The following TAF2 variants were observed in gnomAD, a reference collection of about 807,000 sequenced individuals.
TAF2 encodes TATA-box binding protein associated factor 2.
In TAF2, 61 loss-of-function variants were observed where a neutral mutation model predicts 138.5. That is an observed-to-expected ratio of 0.44 (90% confidence interval 0.36 to 0.54). TAF2 has a LOEUF of 0.54. Among genes scored for constraint, TAF2 ranks in the 20% least tolerant of loss-of-function variants. The probability of loss-of-function intolerance (pLI) is 0.00; values close to 1 mark genes in which losing one functional copy is unlikely to be tolerated. For synonymous variants in TAF2, 475 were observed against 469.9 expected, an observed-to-expected ratio of 1.01 and a Z score of -0.14; for missense variants, 1,090 against 1,427.9, an observed-to-expected ratio of 0.76 and a Z score of 3.81.
intron 18 of TAF2, among the ~76,000 whole-genome samples, chr8:119,773,083 G>A (rs1166369909): frequency 3.9e-5 from 5 of 127,836 alleles, no homozygotes; most frequent in African/African-American, 1.6e-4. Context: ...AAGCAAGCTT[G>A]GATTTTCTCA....
intron 18 of TAF2, among the ~76,000 whole-genome samples, chr8:119,775,116 TA>T (rs889344808): frequency 6.6e-6 from 1 of 151,178 alleles, no homozygotes; most frequent in Non-Finnish European, 1.5e-5. Flanking sequence ...CTGTCTCTAC[TA>T]AAAAAATACA....
Position 119,731,582 on chromosome 8 carries a change from CA to C in TAF2, c.*341del, listed in dbSNP as rs1454148757. The C allele has an allele frequency of 6.6e-6, 2 of 303,020 alleles. No homozygotes were observed. The highest frequency in any genetic ancestry group is 1.3e-5 in the Non-Finnish European group (2 of 158,180). 18.8% of individuals were successfully genotyped at this position (303,020 alleles called of 1,614,324 possible). On this transcript the variant is annotated 3_prime_UTR_variant, in exon 26 of 26. Coordinates refer to ENST00000378164, the MANE Select transcript of TAF2 (RefSeq NM_003184.4). ...CCCCATAACATCCACCAAAGGCTTT[CA>C]AACATAATTGACTTTGGCGGTACAC...
chr8:119,747,339 T>C (rs753681402), intron 22 of TAF2, among the ~76,000 whole-genome samples: 1 of 152,216 alleles, frequency 6.6e-6, no homozygotes, highest in African/African-American at 2.4e-5. Context: ...ATTGGACTTA[T>C]TGTAAAGGAG....
intron 23 of TAF2, chr8:119,744,960 G>A (rs565361170): frequency 1.1e-5 from 5 of 456,234 alleles, no homozygotes; most frequent in African/African-American, 2.0e-5. Context: ...CCCCAGTGGT[G>A]TATCAGACTT....
intron 6 of TAF2, among the ~76,000 whole-genome samples, chr8:119,799,399 A>ATG (rs925532692): frequency 6.6e-6 from 1 of 151,608 alleles, no homozygotes; most frequent in African/African-American, 2.4e-5. Flanking sequence ...GAGTGAGAAC[A>ATG]TGTGGTGTTT....
At chr8:119,823,585 A>G (rs1825920368) in intron 2 of TAF2, among the ~76,000 whole-genome samples, 1 of 152,182 alleles carries the variant, frequency 6.6e-6, no homozygotes, top group African/African-American at 2.4e-5. Context: ...GATCCCCATT[A>G]AACCTCTTTC....
At chr8:119,743,961 T>TA (rs1414044561) in intron 24 of TAF2, among the ~76,000 whole-genome samples, 3 of 152,022 alleles carry the variant, frequency 2.0e-5, no homozygotes, top group African/African-American at 7.2e-5. Flanking sequence ...TAACTGCAGT[T>TA]AAAAAAATTA....
chr8:119,743,722 A>G (rs1819758077), intron 24 of TAF2, among the ~76,000 whole-genome samples: 1 of 152,200 alleles, frequency 6.6e-6, no homozygotes, highest in Admixed American at 6.5e-5. Flanking sequence ...AGAAACATAA[A>G]TTAACAAAAA....
chr8:119,806,436 G>C, intron 3 of TAF2, 35 bp from the exon 4 acceptor site: 8 of 1,368,290 alleles, frequency 5.8e-6, no homozygotes, highest in South Asian at 2.3e-5. Flanking sequence ...TTAATAATAA[G>C]CCATGTATCT....
At chr8:119,787,570 A>C (rs375107991) in intron 14 of TAF2, among the ~76,000 whole-genome samples, 1 of 152,234 alleles carries the variant, frequency 6.6e-6, no homozygotes, top group Non-Finnish European at 1.5e-5. Context: ...AACAGCAATC[A>C]TTAAAAAGTT....
At chr8:119,811,250 AAT>A (rs35079758) in intron 3 of TAF2, among the ~76,000 whole-genome samples, 4,903 of 152,306 alleles carry the variant, frequency 0.032, 145 homozygotes, top group South Asian at 0.11. Flanking sequence ...ATATTGAATT[AAT>A]ATGATAATCA....
chr8:119,817,682 G>A (rs1168426390), intron 3 of TAF2, among the ~76,000 whole-genome samples: 1 of 152,144 alleles, frequency 6.6e-6, no homozygotes, highest in African/African-American at 2.4e-5. Context: ...CAAATTATTA[G>A]TAAAAAAGAT....
intron 1 of TAF2, 62 bp downstream of exon 1, chr8:119,832,420 C>G (rs1340779757): frequency 3.6e-5 from 55 of 1,537,236 alleles, no homozygotes; most frequent in Middle Eastern, 3.4e-4. Context: ...TTCAAGCAAT[C>G]GCAAAATATA....
chr8:119,743,144 T>C (rs1384598653), intron 24 of TAF2, among the ~76,000 whole-genome samples: 2 of 152,264 alleles, frequency 1.3e-5, no homozygotes, highest in East Asian at 3.9e-4. Context: ...CTAAAAGTTC[T>C]GAATTATTAC....
At chr8:119,784,581 G>A (rs1822891816) in intron 15 of TAF2, among the ~76,000 whole-genome samples, 1 of 152,138 alleles carries the variant, frequency 6.6e-6, no homozygotes, top group African/African-American at 2.4e-5. Context: ...AATCAAGTTA[G>A]TAAATAATTA....
intron 24 of TAF2, 52 bp from the exon 25 acceptor site, chr8:119,742,708 A>G: frequency 6.3e-7 from 1 of 1,599,148 alleles, no homozygotes; most frequent in African/African-American, 1.3e-5. Context: ...TGTTTCCCAA[A>G]AGAAAAAAAA....
intron 18 of TAF2, among the ~76,000 whole-genome samples, chr8:119,768,350 G>T (rs576175461): frequency 6.6e-6 from 1 of 152,162 alleles, no homozygotes; most frequent in Non-Finnish European, 1.5e-5. Context: ...TACCATGAAG[G>T]TGCATCATTA....
chr8:119,738,648 T>TAAGGGTTTTTCCTGGA (rs1819391434), intron 25 of TAF2, among the ~76,000 whole-genome samples: 1 of 152,126 alleles, frequency 6.6e-6, no homozygotes, highest in African/African-American at 2.4e-5. Flanking sequence ...CCAAACAAAA[T>TAAGGGTTTTTCCTGGA]GCACCATGGA....
intron 20 of TAF2, among the ~76,000 whole-genome samples, chr8:119,759,301 T>C (rs62526565): frequency 0.27 from 41,263 of 152,026 alleles, 6,872 homozygotes; most frequent in Admixed American, 0.46. Flanking sequence ...ATACACATTA[T>C]GCTGTTATTA....
Sources: allele counts gnomAD v4.1 joint callset (sites outside exome capture counted in the v4.1 genomes callset), GRCh38; gene constraint gnomAD v4.1.1; transcripts MANE v1.5; gene names NCBI Gene and HGNC (gene_info 2026-07-23, HGNC 2026-07-21).